SORCS2: variants seen among roughly 807,000 people sequenced by gnomAD.
The protein encoded by SORCS2 is sortilin related VPS10 domain containing receptor 2, also known as VPS10 domain-containing receptor SorCS2.
A neutral mutation model predicts 141.6 loss-of-function variants in SORCS2; 100 were observed. The ratio of observed to expected loss-of-function variants is 0.71; its 90% confidence interval spans 0.60 to 0.83. The LOEUF (loss-of-function observed/expected upper bound fraction) is 0.83, where lower values mean the gene tolerates loss of function less well. Ranked by LOEUF, SORCS2 falls within the 40% of genes least tolerant of loss-of-function variation. The pLI, the probability that SORCS2 is intolerant of heterozygous loss-of-function variation, is 0.00. For synonymous variants in SORCS2, 789 were observed against 676.9 expected (o/e 1.17, Z -2.57); for missense variants, 1,646 against 1,560.2 (o/e 1.05, Z -0.93).
intron 1 of SORCS2, among the ~76,000 whole-genome samples, chr4:7,307,133 C>T (rs1003544693): frequency 6.6e-6 from 1 of 152,176 alleles, no homozygotes. Flanking sequence ...GAAGCCTGTG[C>T]TGGACAACCC....
chr4:7,542,684 C>G (rs1180858784), intron 3 of SORCS2, among the ~76,000 whole-genome samples: 1 of 152,232 alleles, frequency 6.6e-6, no homozygotes, highest in African/African-American at 2.4e-5. Context: ...GTGTGTGACA[C>G]TTTGTCTCGG....
At chr4:7,334,240 C>T (rs887485277) in intron 1 of SORCS2, among the ~76,000 whole-genome samples, 10 of 152,142 alleles carry the variant, frequency 6.6e-5, no homozygotes, top group African/African-American at 1.2e-4. Flanking sequence ...TTGCGCACCC[C>T]GGGTCCTGGC....
intron 10 of SORCS2, among the ~76,000 whole-genome samples, chr4:7,683,359 TC>T (rs1723672787): frequency 3.4e-5 from 1 of 29,478 alleles, no homozygotes; most frequent in Non-Finnish European, 6.5e-5. Flanking sequence ...GCTCTGCTGA[TC>T]TTGTCTGGGC....
At chr4:7,460,816 C>A (rs1259894728) in intron 2 of SORCS2, among the ~76,000 whole-genome samples, 2 of 152,294 alleles carry the variant, frequency 1.3e-5, no homozygotes, top group South Asian at 2.1e-4. Context: ...ATTTTCACAT[C>A]TGTGGCCGTG....
chr4:7,209,214 C>T (rs914809729), intron 1 of SORCS2, among the ~76,000 whole-genome samples: 4 of 152,260 alleles, frequency 2.6e-5, no homozygotes, highest in Non-Finnish European at 5.9e-5. Flanking sequence ...GCCCCCTCCT[C>T]AGCTGGCTCT....
chr4:7,406,179 A>G (rs948893985), intron 2 of SORCS2, among the ~76,000 whole-genome samples: 1 of 143,540 alleles, frequency 7.0e-6, no homozygotes, highest in African/African-American at 2.5e-5. Context: ...ATCATTATTC[A>G]TATTGACCTG....
At chr4:7,447,893 G>A (rs552038268) in intron 2 of SORCS2, among the ~76,000 whole-genome samples, 40 of 152,314 alleles carry the variant, frequency 2.6e-4, no homozygotes, top group African/African-American at 8.4e-4. Flanking sequence ...TACGGCAGAG[G>A]TGTTTCTCCC....
At chr4:7,618,086 C>A (rs1156547326) in intron 3 of SORCS2, among the ~76,000 whole-genome samples, 1 of 152,136 alleles carries the variant, frequency 6.6e-6, no homozygotes, top group Non-Finnish European at 1.5e-5. Context: ...CCCCATGACA[C>A]CCCCTCGGAG....
chr4:7,690,517 G>GGATA (rs1463616217), intron 11 of SORCS2, among the ~76,000 whole-genome samples: 1 of 151,418 alleles, frequency 6.6e-6, no homozygotes, highest in Non-Finnish European at 1.5e-5. Context: ...ATGGATGGAT[G>GGATA]GATAGATGAA....
chr4:7,318,314 G>A (rs747186341), intron 1 of SORCS2, among the ~76,000 whole-genome samples: 18 of 152,204 alleles, frequency 1.2e-4, no homozygotes, highest in Non-Finnish European at 2.5e-4. Context: ...GTGCTCAAAT[G>A]TGGTTCTAGC....
chr4:7,446,058 C>T (rs1389250759), intron 2 of SORCS2, among the ~76,000 whole-genome samples: 1 of 151,994 alleles, frequency 6.6e-6, no homozygotes, highest in Non-Finnish European at 1.5e-5. Context: ...TCATTTCTTC[C>T]CCCTTCCTTC....
At chr4:7,385,177 C>T (rs904684476) in intron 1 of SORCS2, among the ~76,000 whole-genome samples, 2 of 152,176 alleles carry the variant, frequency 1.3e-5, no homozygotes, top group African/African-American at 4.8e-5. Context: ...TTGAGTGAGG[C>T]CGCATCCCTT....
chr4:7,354,579 G>A lies in SORCS2; in HGVS notation c.481-41709G>A, dbSNP rs528999615. Among the ~76,000 whole-genome samples the A allele has an allele frequency of 5.9e-5, 9 of 152,328 alleles. 1 individual carries two copies. Among genetic ancestry groups the A allele is most frequent in the Middle Eastern group, 6.8e-3 (2 of 294 alleles). ...TCTCTGAGCTCGTGTCCTCTTTTGGGGTTTCTCTTCATGTCACCTCTGCAA... is the reference window on the plus strand; with the variant it reads ...TCTCTGAGCTCGTGTCCTCTTTTGGAGTTTCTCTTCATGTCACCTCTGCAA... On this transcript the variant is annotated intron_variant, in intron 1 of 26. Transcript: ENST00000507866.
At chr4:7,364,313 G>A (rs1034863617) in intron 1 of SORCS2, among the ~76,000 whole-genome samples, 5 of 152,236 alleles carry the variant, frequency 3.3e-5, no homozygotes, top group Non-Finnish European at 5.9e-5. Flanking sequence ...GGGAGGTTCT[G>A]AGTTGTCTTT....
chr4:7,490,595 G>A (rs4560412), intron 2 of SORCS2, among the ~76,000 whole-genome samples: 63,834 of 152,030 alleles, frequency 0.42, 14,432 homozygotes, highest in East Asian at 0.7. Flanking sequence ...GGGTGAGGAT[G>A]GCAGACATGC....
chr4:7,274,702 G>T lies in SORCS2; in HGVS notation c.480+81576G>T, dbSNP rs1173914229. 2.0e-5 allele frequency among the ~76,000 whole-genome samples: 3 copies of T among 152,350 alleles called. No homozygotes were observed. The East Asian group carries it at 5.8e-4, about 29-fold the overall frequency. On this transcript the variant is annotated intron_variant, in intron 1 of 26. Coordinates refer to ENST00000507866, the MANE Select transcript of SORCS2 (RefSeq NM_020777.3). ...CAATTCAGCATGAGATTTGGGTGGG[G>T]ACACAGATCCAAACCATGTCGAGAA...
At position 7,335,183 on chromosome 4, in the gene SORCS2, G is replaced by A. The variant is rs1456734415; in HGVS notation, c.481-61105G>A. Among the ~76,000 whole-genome samples, 6 of 152,290 alleles carry A rather than the reference G, an allele frequency of 3.9e-5. No homozygotes were observed. In the South Asian group the frequency reaches 6.2e-4, roughly 16 times the overall value. On this transcript the variant is annotated intron_variant, in intron 1 of 26. Coordinates refer to ENST00000507866, the MANE Select transcript of SORCS2 (RefSeq NM_020777.3). Reference sequence around the variant, plus strand: ...TTAGAAATTCTGAGTATCCTCGTCCGGGGCACACGCCTAGTTTTCCTCTCT... The same window carrying A: ...TTAGAAATTCTGAGTATCCTCGTCCAGGGCACACGCCTAGTTTTCCTCTCT...
intron 1 of SORCS2, among the ~76,000 whole-genome samples, chr4:7,373,785 C>A (rs1395998951): frequency 6.6e-6 from 1 of 152,024 alleles, no homozygotes; most frequent in African/African-American, 2.4e-5. Context: ...AGCCACCACA[C>A]CTGGCCCCTT....
chr4:7,198,615 A>T (rs1424270105), intron 1 of SORCS2, among the ~76,000 whole-genome samples: 1 of 152,144 alleles, frequency 6.6e-6, no homozygotes, highest in African/African-American at 2.4e-5. Context: ...GTGATAGCTC[A>T]TCACCAAGGG....
Sources: allele counts gnomAD v4.1 joint callset (sites outside exome capture counted in the v4.1 genomes callset), GRCh38; gene constraint gnomAD v4.1.1; transcripts MANE v1.5; gene names NCBI Gene and HGNC (gene_info 2026-07-23, HGNC 2026-07-21).